Variants in TRIO observed in about 807,000 individuals in gnomAD.
TRIO encodes the protein triple functional domain protein.
Under a neutral mutation model 351.9 loss-of-function variants are expected in TRIO, and 58 were observed. The ratio of observed to expected loss-of-function variants is 0.16; its 90% CI spans 0.13 to 0.21. The LOEUF (loss-of-function observed/expected upper bound fraction) is 0.21. TRIO is among the 10% of genes least tolerant of loss of function. The probability of loss-of-function intolerance (pLI) is 1.00; values close to 1 mark genes in which losing one functional copy is unlikely to be tolerated. For missense variants in TRIO, 3,201 were observed against 4,027.8 expected (o/e 0.79, Z 5.56); for synonymous variants, 1,758 against 1,595.7 (o/e 1.10, Z -2.42).
intron 11 of TRIO, among the ~76,000 whole-genome samples, chr5:14,354,728 T>C (rs189695829): frequency 2.0e-4 from 31 of 152,336 alleles, no homozygotes; most frequent in Admixed American, 1.0e-3. Flanking sequence ...GTCTTGGCAG[T>C]GGGACAGAGT....
intron 53 of TRIO, 68 bp downstream of exon 53, chr5:14,498,708 C>T: frequency 1.3e-6 from 2 of 1,585,676 alleles, no homozygotes; most frequent in Non-Finnish European, 1.7e-6. Flanking sequence ...CTCCTTAAGT[C>T]CTGAGTCTGC....
rs759779418 is a variant in TRIO, at chr5:14,482,772, A to AG, written c.6657+1dup. 1 of 1,579,562 alleles carries AG rather than the reference A, an allele frequency of 6.3e-7. No homozygotes were observed. Among genetic ancestry groups the AG allele is most frequent in the Non-Finnish European group, 8.6e-7 (1 of 1,158,346 alleles). On this transcript the variant is annotated frameshift_variant and splice_region_variant, in exon 46 of 57. Coordinates refer to ENST00000344204, the MANE Select transcript of TRIO (RefSeq NM_007118.4). LOFTEE classifies it high-confidence loss of function. Reference sequence around the variant, plus strand: ...GGATTCCTGTTTAAGAACAGTATCAAGGTAACGTGTGTCTCTGTGTGATTT... The same window carrying AG: ...GGATTCCTGTTTAAGAACAGTATCAAGGGTAACGTGTGTCTCTGTGTGATTT...
intron 10 of TRIO, among the ~76,000 whole-genome samples, chr5:14,331,891 C>T (rs1581636362): frequency 1.3e-5 from 2 of 152,156 alleles, no homozygotes; most frequent in Non-Finnish European, 2.9e-5. Context: ...AGCCATCGTG[C>T]ATTTTCATGG....
At chr5:14,375,392 T>G (rs1279494267) in intron 19 of TRIO, among the ~76,000 whole-genome samples, 1 of 152,210 alleles carries the variant, frequency 6.6e-6, no homozygotes, top group African/African-American at 2.4e-5. Context: ...GTGGTCCTTT[T>G]TAGGTTGCGC....
At chr5:14,475,031 C>A (rs557894536) in intron 40 of TRIO, among the ~76,000 whole-genome samples, 2 of 152,146 alleles carry the variant, frequency 1.3e-5, no homozygotes, top group Non-Finnish European at 2.9e-5. Context: ...CAACTCTGAT[C>A]CCACTACATT....
chr5:14,280,521 G>T, intron 3 of TRIO, 85 bp downstream of exon 3: 1 of 1,191,068 alleles, frequency 8.4e-7, no homozygotes, highest in Non-Finnish European at 1.2e-6. Flanking sequence ...CAGCTAAATT[G>T]TAGCCTGCAT....
At chr5:14,187,990 C>T (rs941329313) in intron 1 of TRIO, among the ~76,000 whole-genome samples, 2 of 152,144 alleles carry the variant, frequency 1.3e-5, no homozygotes, top group Non-Finnish European at 2.9e-5. Flanking sequence ...TGATGGGAAA[C>T]CCGGATGTCT....
chr5:14,352,800 C>A (rs1301804793), intron 11 of TRIO, among the ~76,000 whole-genome samples: 1 of 152,234 alleles, frequency 6.6e-6, no homozygotes, highest in East Asian at 1.9e-4. Flanking sequence ...TCAGTACCCG[C>A]GCTGGTTTCA....
At chr5:14,375,518 A>C (rs147556912) in intron 19 of TRIO, among the ~76,000 whole-genome samples, 1 of 152,286 alleles carries the variant, frequency 6.6e-6, no homozygotes, top group East Asian at 1.9e-4. Context: ...TGAAGAATTA[A>C]AATAGAAGTG....
At position 14,330,740 on chromosome 5, in the gene TRIO, A is replaced by G. The variant is rs1740833464; in HGVS notation, c.1732-38A>G. ...CCTTAAACATTGAACATGGCAGGAC[A>G]TTGTTTTTATGGCATATGTACCTGT... On this transcript the variant is annotated intron_variant, in intron 9 of 56. Transcript: ENST00000344204. The G allele has an allele frequency of 3.1e-6, 5 of 1,608,282 alleles. No homozygotes were observed. In the East Asian group the frequency reaches 6.7e-5, roughly 22 times the overall value.
chr5:14,489,946 G>A (rs1251878512), intron 48 of TRIO, among the ~76,000 whole-genome samples: 1 of 152,158 alleles, frequency 6.6e-6, no homozygotes, highest in Non-Finnish European at 1.5e-5. Context: ...ATGCCCTAAA[G>A]GCCTAGGAAG....
chr5:14,330,634 T>G, intron 9 of TRIO, 144 bp from the exon 10 acceptor site: 1 of 1,009,024 alleles, frequency 9.9e-7, no homozygotes, highest in Non-Finnish European at 1.4e-6. Context: ...TAGTATCCAA[T>G]TACTTCTTCC....
chr5:14,263,925 C>T (rs936454761), intron 1 of TRIO, among the ~76,000 whole-genome samples: 1 of 152,204 alleles, frequency 6.6e-6, no homozygotes, highest in Admixed American at 6.5e-5. Context: ...GTGCATAGCT[C>T]TGTGCTTGTC....
chr5:14,224,950 T>A (rs1792891028), intron 1 of TRIO, among the ~76,000 whole-genome samples: 1 of 152,162 alleles, frequency 6.6e-6, no homozygotes, highest in African/African-American at 2.4e-5. Flanking sequence ...TTTGAATACT[T>A]CACCTCCCTG....
chr5:14,263,930 C>T (rs1447993099), intron 1 of TRIO, among the ~76,000 whole-genome samples: 2 of 152,190 alleles, frequency 1.3e-5, no homozygotes, highest in Non-Finnish European at 1.5e-5. Flanking sequence ...TAGCTCTGTG[C>T]TTGTCCCTGG....
chr5:14,452,089 G>A (rs188310922), intron 34 of TRIO, among the ~76,000 whole-genome samples: 1 of 152,354 alleles, frequency 6.6e-6, no homozygotes, highest in East Asian at 1.9e-4. Flanking sequence ...CCACATGTGT[G>A]CATGTTTGGC....
rs758570299 is a variant in TRIO at position 14,461,194 on chromosome 5, G to C, written c.5379G>C (p.Val1793=). 3 of 1,564,660 alleles carry C rather than the reference G, an allele frequency of 1.9e-6. No individual in the cohort carries two copies. The East Asian group carries it at 7.1e-5, about 37-fold the overall frequency. The change falls in exon 35 of 57, where the codon GTG becomes GTC. Residue 1793 remains valine, a synonymous_variant. Transcript: ENST00000344204. ...RLSSGKADGH[V]KKLAHKHKKS... The stretch of plus-strand genomic sequence containing the variant: ...GCAGCGGCAAGGCCGACGGGCACGT[G>C]AAGAAGCTGGCGCACAAGCACAAGA...
Position 14,488,246 on chromosome 5 carries a change from A to C in TRIO, c.7618A>C (p.Thr2540Pro). ...GGCCAGCGAGCAGTCCGTGCAGTCC[A>C]CCCAGAGCAACGGGGTAAGCGCGTC... ...SSASEQSVQS[T>P]QSNGSESSSS... Residue 2540 changes from threonine to proline, a missense_variant, in exon 48 of 57, where the codon ACC becomes CCC. Thr to Pro is a conservative substitution (Grantham distance 38). This residue lies in a region of TRIO where 1,089 missense variants were observed against 954.9 expected (regional missense o/e 1.14). Transcript: ENST00000344204. 6.3e-7 allele frequency: 1 copy of C among 1,575,804 alleles called. No homozygotes were observed. Among genetic ancestry groups the C allele is most frequent in the Non-Finnish European group, 8.6e-7 (1 of 1,168,400 alleles).
intron 39 of TRIO, among the ~76,000 whole-genome samples, chr5:14,473,155 C>G (rs1176369228): frequency 6.6e-6 from 1 of 152,162 alleles, no homozygotes; most frequent in Non-Finnish European, 1.5e-5. Context: ...TTTCCATTGA[C>G]CAGAAGTTGC....
Sources: gnomAD v4.1 joint callset for allele counts (sites outside exome capture counted in the v4.1 genomes callset) on GRCh38, gnomAD v4.1.1 for gene constraint, gnomAD v4.1.1 regional missense constraint, MANE v1.5 for transcripts, NCBI Gene and HGNC (gene_info 2026-07-23, HGNC 2026-07-21) for gene names.